SPAG16: variants seen among roughly 807,000 people sequenced by gnomAD.
The protein encoded by SPAG16 is sperm associated antigen 16, also known as sperm-associated antigen 16 protein.
In SPAG16, 86 loss-of-function variants were observed where a neutral mutation model predicts 80.4. The ratio of observed to expected loss-of-function variants is 1.07; its 90% CI spans 0.90 to 1.28. SPAG16 has a LOEUF of 1.28. SPAG16 is among the 50% of genes most tolerant of loss of function. SPAG16 has a pLI of 0.00. For missense variants in SPAG16, 870 were observed against 765.3 expected (o/e 1.14, Z -1.61); for synonymous variants, 294 against 265.9 (o/e 1.11, Z -1.03).
chr2:214,297,127 C>G (rs1694189805), intron 15 of SPAG16, among the ~76,000 whole-genome samples: 1 of 152,122 alleles, frequency 6.6e-6, no homozygotes, highest in Non-Finnish European at 1.5e-5. Flanking sequence ...TCAATGCAAA[C>G]AGACTAACAC....
chr2:214,227,407 G>T (rs1476960040), intron 15 of SPAG16, among the ~76,000 whole-genome samples: 1 of 151,926 alleles, frequency 6.6e-6, no homozygotes, highest in African/African-American at 2.4e-5. Context: ...ACAACATTAA[G>T]AATTTATTTT....
At chr2:213,830,396 C>T (rs2073563215) in intron 10 of SPAG16, among the ~76,000 whole-genome samples, 1 of 152,158 alleles carries the variant, frequency 6.6e-6, no homozygotes, top group African/African-American at 2.4e-5. Flanking sequence ...TCAAGACTGT[C>T]TACCCTCTTC....
At chr2:213,308,277 T>C (rs894175167) in intron 3 of SPAG16, among the ~76,000 whole-genome samples, 12 of 152,288 alleles carry the variant, frequency 7.9e-5, no homozygotes, top group Admixed American at 3.9e-4. Context: ...TATAATAATT[T>C]TTATGGCTGT....
At chr2:213,299,385 C>G (rs1575116556) in intron 3 of SPAG16, among the ~76,000 whole-genome samples, 3 of 151,612 alleles carry the variant, frequency 2.0e-5, no homozygotes, top group Middle Eastern at 3.4e-3. Flanking sequence ...TCACTGCAAG[C>G]TCTGCTTCCC....
chr2:213,708,784 C>T (rs1403121427), intron 10 of SPAG16, among the ~76,000 whole-genome samples: 1 of 151,828 alleles, frequency 6.6e-6, no homozygotes, highest in African/African-American at 2.4e-5. Context: ...AGACTCCATC[C>T]AAAAAGGGGG....
intron 9 of SPAG16, among the ~76,000 whole-genome samples, chr2:213,479,117 T>C (rs912562570): frequency 3.6e-4 from 43 of 120,004 alleles, no homozygotes; most frequent in African/African-American, 1.1e-3. Context: ...TTTTTTTTTT[T>C]TGTAAAATGC....
At chr2:214,041,315 G>A (rs1208127923) in intron 13 of SPAG16, among the ~76,000 whole-genome samples, 1 of 151,636 alleles carries the variant, frequency 6.6e-6, no homozygotes, top group East Asian at 1.9e-4. Flanking sequence ...TTACTTTTTG[G>A]GGGTTGCAGA....
Position 214,049,451 on chromosome 2 carries a change from A to G in SPAG16, c.1527+35374A>G, listed in dbSNP as rs532514631. On this transcript the variant is annotated intron_variant, in intron 13 of 15. Transcript: ENST00000331683. Reference sequence around the variant, plus strand: ...TTCAGAAGTGACAGTGCTAGTTTGGAGAAAATTTTATTTTCTGGTAAAGTG... The same window carrying G: ...TTCAGAAGTGACAGTGCTAGTTTGGGGAAAATTTTATTTTCTGGTAAAGTG... 2.0e-5 allele frequency among the ~76,000 whole-genome samples: 3 copies of G among 152,212 alleles called. No homozygotes were observed. The East Asian group carries it at 5.8e-4, about 29-fold the overall frequency.
intron 10 of SPAG16, among the ~76,000 whole-genome samples, chr2:213,723,442 C>A (rs551324100): frequency 1.3e-5 from 2 of 152,250 alleles, no homozygotes; most frequent in Non-Finnish European, 2.9e-5. Flanking sequence ...CTTCTGAAGT[C>A]TGAGGGAAAG....
intron 10 of SPAG16, among the ~76,000 whole-genome samples, chr2:213,607,837 G>C (rs1456695647): frequency 1.3e-5 from 2 of 152,164 alleles, no homozygotes; most frequent in Non-Finnish European, 2.9e-5. Flanking sequence ...TTGATAATTT[G>C]TCAGGTGCAA....
chr2:214,216,038 G>A (rs540835032), intron 15 of SPAG16, among the ~76,000 whole-genome samples: 2 of 152,312 alleles, frequency 1.3e-5, no homozygotes, highest in African/African-American at 2.4e-5. Context: ...TGCATGTAAA[G>A]TCTTGGAGGC....
At chr2:214,197,580 A>C (rs1305039403) in intron 15 of SPAG16, among the ~76,000 whole-genome samples, 2 of 152,038 alleles carry the variant, frequency 1.3e-5, no homozygotes, top group African/African-American at 4.8e-5. Context: ...TTACTGAAAA[A>C]TTAAAATATC....
chr2:213,421,866 C>T (rs2069609304), intron 9 of SPAG16, among the ~76,000 whole-genome samples: 1 of 152,152 alleles, frequency 6.6e-6, no homozygotes, highest in Admixed American at 6.5e-5. Context: ...AAAGGAGCTA[C>T]CCACTCTGGG....
chr2:213,528,533 A>G (rs933239484), intron 10 of SPAG16, among the ~76,000 whole-genome samples: 1 of 152,124 alleles, frequency 6.6e-6, no homozygotes, highest in African/African-American at 2.4e-5. Context: ...TGCCTTCTCA[A>G]TACAGAATAA....
At chr2:214,082,808 T>G (rs1279491831) in intron 13 of SPAG16, among the ~76,000 whole-genome samples, 1 of 152,224 alleles carries the variant, frequency 6.6e-6, no homozygotes, top group East Asian at 1.9e-4. Flanking sequence ...CTTTATGATA[T>G]TTTTCTTACT....
intron 11 of SPAG16, among the ~76,000 whole-genome samples, chr2:213,892,565 C>T (rs984316579): frequency 6.6e-6 from 1 of 151,694 alleles, no homozygotes; most frequent in Admixed American, 6.6e-5. Flanking sequence ...CAAGATAACA[C>T]AGAAAAGAAA....
chr2:214,186,751 G>T (rs1388810872), intron 15 of SPAG16, among the ~76,000 whole-genome samples: 5 of 151,620 alleles, frequency 3.3e-5, no homozygotes, highest in African/African-American at 1.2e-4. Context: ...GCAAGTAGTT[G>T]TTTTTTTGTT....
chr2:213,285,876 T>G, intron 1 of SPAG16: 1 of 1,288,860 alleles, frequency 7.8e-7, no homozygotes, highest in Non-Finnish European at 1.0e-6. Flanking sequence ...TTTTCATAAT[T>G]CTTCCTAAGC....
At chr2:213,713,039 G>A (rs2066071226) in intron 10 of SPAG16, among the ~76,000 whole-genome samples, 1 of 152,162 alleles carries the variant, frequency 6.6e-6, no homozygotes, top group African/African-American at 2.4e-5. Flanking sequence ...CGGCAGGAGA[G>A]AGAATGAGTG....
Sources: gnomAD v4.1 joint callset for allele counts (sites outside exome capture counted in the v4.1 genomes callset) on GRCh38, gnomAD v4.1.1 for gene constraint, MANE v1.5 for transcripts, NCBI Gene and HGNC (gene_info 2026-07-23, HGNC 2026-07-21) for gene names.